The following RAB11A variants were observed in gnomAD, a reference collection of about 807,000 sequenced individuals.
The protein encoded by RAB11A is ras-related protein Rab-11A.
A neutral mutation model predicts 28.0 loss-of-function variants in RAB11A; 9 were observed. The ratio of observed to expected loss-of-function variants is 0.32; its 90% CI spans 0.19 to 0.56. The LOEUF (loss-of-function observed/expected upper bound fraction) is 0.56, where lower values mean the gene tolerates loss of function less well. RAB11A is among the 20% of genes least tolerant of loss of function. The probability of loss-of-function intolerance (pLI) is 0.91; values close to 1 mark genes in which losing one functional copy is unlikely to be tolerated. For missense variants in RAB11A, 108 were observed against 269.6 expected, an observed-to-expected ratio of 0.40 and a Z score of 4.20; for synonymous variants, 85 against 88.2, an observed-to-expected ratio of 0.96 and a Z score of 0.20.
rs1224127056 is a variant in RAB11A, at chr15:65,869,598, G to A, written c.13G>A (p.Asp5Asn). 6.2e-7 allele frequency: 1 copy of A among 1,611,524 alleles called. No individual in the cohort carries two copies. The highest frequency in any genetic ancestry group is 8.5e-7 in the Non-Finnish European group (1 of 1,179,932). The change falls in exon 1 of 5, where the codon GAC (aspartate) becomes AAC (asparagine). Residue 5 changes from aspartate to asparagine, a missense_variant. Coordinates refer to ENST00000261890, the MANE Select transcript of RAB11A (RefSeq NM_004663.5). Reference sequence around the variant, plus strand: ...CCTCGGCCGCGCAATGGGCACCCGCGACGACGAGTACGACTACCTCTTTAA... The same window carrying A: ...CCTCGGCCGCGCAATGGGCACCCGCAACGACGAGTACGACTACCTCTTTAA... Reference protein sequence around the residue: MGTRDDEYDYLFKVV... With the variant: MGTRNDEYDYLFKVV...
chr15:65,872,674 T>G (rs989205385), intron 1 of RAB11A, among the ~76,000 whole-genome samples: 1 of 152,076 alleles, frequency 6.6e-6, no homozygotes, highest in Non-Finnish European at 1.5e-5. Context: ...CCTCAGGTGA[T>G]CCGCCCGCCT....
At chr15:65,872,738 T>G (rs917511673) in intron 1 of RAB11A, among the ~76,000 whole-genome samples, 2 of 152,166 alleles carry the variant, frequency 1.3e-5, no homozygotes, top group African/African-American at 4.8e-5. Flanking sequence ...CTGGCCAGAT[T>G]TCTACTTTTT....
chr15:65,872,593 C>T (rs1489023657), intron 1 of RAB11A, among the ~76,000 whole-genome samples: 1 of 151,986 alleles, frequency 6.6e-6, no homozygotes, highest in Non-Finnish European at 1.5e-5. Context: ...GACCACCACA[C>T]CCGGCTAATT....
intron 1 of RAB11A, among the ~76,000 whole-genome samples, chr15:65,873,656 A>T (rs980240633): frequency 1.3e-5 from 2 of 151,746 alleles, no homozygotes; most frequent in African/African-American, 4.8e-5. Flanking sequence ...TGTGCTCAAG[A>T]AATCCTCCTG....
chr15:65,869,788 C>T (rs954114807), intron 1 of RAB11A, among the ~76,000 whole-genome samples, 163 bp downstream of exon 1: 3 of 152,182 alleles, frequency 2.0e-5, no homozygotes, highest in Admixed American at 6.5e-5. Context: ...TTCTCCCCCG[C>T]TCAGACAGGG....
At position 65,877,215 on chromosome 15, in the gene RAB11A, T is replaced by C. The variant is rs2078196220; in HGVS notation, c.41-117T>C. 4.8e-6 allele frequency: 4 copies of C among 828,476 alleles called. No homozygotes were observed. Among genetic ancestry groups the C allele is most frequent in the Non-Finnish European group, 7.5e-6 (4 of 531,330 alleles). 51.3% of individuals were successfully genotyped at this position (828,476 alleles called of 1,614,324 possible). A position where few individuals can be genotyped will look rare whatever the true frequency, so the allele number is the denominator to read the frequency against. On this transcript the variant is annotated intron_variant, in intron 1 of 4. Coordinates refer to ENST00000261890, the MANE Select transcript of RAB11A (RefSeq NM_004663.5). This position sits in a 1 kb window ranked among gnomAD's most constrained non-coding sequence, Gnocchi z 4.1. Reference sequence around the variant, plus strand: ...CCCCCATTCCTTTTTAAAAGTCATATACCTTATTTTTCTTGCTTTATTTAC... The same window carrying C: ...CCCCCATTCCTTTTTAAAAGTCATACACCTTATTTTTCTTGCTTTATTTAC...
intron 1 of RAB11A, among the ~76,000 whole-genome samples, chr15:65,875,630 C>G (rs568659917): frequency 2.6e-4 from 39 of 152,342 alleles, no homozygotes; most frequent in African/African-American, 8.9e-4. Flanking sequence ...ATTGGATTCA[C>G]TGCCTCCTGA....
chr15:65,872,885 A>T (rs1033782199), intron 1 of RAB11A, among the ~76,000 whole-genome samples: 1 of 152,216 alleles, frequency 6.6e-6, no homozygotes, highest in Non-Finnish European at 1.5e-5. Flanking sequence ...AAATGGCTTT[A>T]TTGTACAGAG....
At chr15:65,886,387 C>T (rs894014424) in intron 4 of RAB11A, among the ~76,000 whole-genome samples, 1 of 152,188 alleles carries the variant, frequency 6.6e-6, no homozygotes, top group African/African-American at 2.4e-5. Flanking sequence ...CTGGATTTAT[C>T]TCATTATTTC....
intron 4 of RAB11A, among the ~76,000 whole-genome samples, chr15:65,880,705 G>A (rs2078216775): frequency 1.3e-5 from 2 of 152,302 alleles, no homozygotes; most frequent in South Asian, 4.1e-4. Context: ...AGATTTGGAA[G>A]CCTGACTTGG....
At position 65,869,568 on chromosome 15, in the gene RAB11A, T is replaced by G; in HGVS notation, c.-18T>G. 6.2e-7 allele frequency: 1 copy of G among 1,610,056 alleles called. No homozygotes were observed. The highest frequency in any genetic ancestry group is 1.7e-4 in the Middle Eastern group (1 of 6,058). ...AGATACCACTGCTGCTCCCGCCCTT[T>G]CGCTCCTCGGCCGCGCAATGGGCAC... On this transcript the variant is annotated 5_prime_UTR_variant, in exon 1 of 5. Transcript: ENST00000261890.
chr15:65,884,133 A>G (rs2078239933), intron 4 of RAB11A, among the ~76,000 whole-genome samples: 1 of 151,982 alleles, frequency 6.6e-6, no homozygotes, highest in East Asian at 1.9e-4. Flanking sequence ...CAATAAAGAC[A>G]GGCTACTAAA....
At position 65,891,331 on chromosome 15, in the gene RAB11A, C is replaced by G. The variant is rs2078294208; in HGVS notation, c.*3491C>G. 1 of 152,142 alleles carries G rather than the reference C, an allele frequency of 6.6e-6. No individual in the cohort carries two copies. The allele number at this position is 152,142 out of a possible 1,614,324, so 9.4% of individuals were successfully genotyped here. On this transcript the variant is annotated 3_prime_UTR_variant, in exon 5 of 5. Transcript: ENST00000261890. ...CAATATGATTGAGGTTATCTATTCT[C>G]CTGAAAAGTGAATTGGAGAATAAAG...
At chr15:65,869,952 ATC>A (rs1324358784) in intron 1 of RAB11A, 1 of 247,808 alleles carries the variant, frequency 4.0e-6, no homozygotes, top group Non-Finnish European at 7.7e-6. Context: ...TCCTCCCACC[ATC>A]TCTCTTTTCG....
chr15:65,871,851 C>T (rs1035670532), intron 1 of RAB11A, among the ~76,000 whole-genome samples: 2 of 145,116 alleles, frequency 1.4e-5, no homozygotes, highest in East Asian at 2.0e-4. Context: ...TGAGACTGTT[C>T]GTAAAATTTT....
Position 65,891,673 on chromosome 15 carries a change from T to C in RAB11A, c.*3833T>C, listed in dbSNP as rs2078297758. ...CTCAAGTTTAAATTTAATAGAGAAG[T>C]CAAAATGAGGTATGCACTTTGTGGA... is the stretch of plus-strand genomic sequence containing the variant. On this transcript the variant is annotated 3_prime_UTR_variant, in exon 5 of 5. Transcript: ENST00000261890. The C allele has an allele frequency of 6.6e-6, 1 of 152,228 alleles. No homozygotes were observed. The highest frequency in any genetic ancestry group is 6.5e-5 in the Admixed American group (1 of 15,286). 9.4% of individuals were successfully genotyped at this position (152,228 alleles called of 1,614,324 possible). A position where few individuals can be genotyped will look rare whatever the true frequency, so the allele number is the denominator to read the frequency against.
chr15:65,887,095 T>C (rs1443517225), intron 4 of RAB11A, among the ~76,000 whole-genome samples: 2 of 152,310 alleles, frequency 1.3e-5, no homozygotes, highest in African/African-American at 2.4e-5. Context: ...GTTTGTTTTT[T>C]GGGGTAAAGG....
At chr15:65,885,170 G>C (rs951977625) in intron 4 of RAB11A, among the ~76,000 whole-genome samples, 2 of 118,678 alleles carry the variant, frequency 1.7e-5, no homozygotes, top group African/African-American at 6.5e-5. Context: ...GTGCTCTGTT[G>C]CCCAGGCTGG....
chr15:65,870,553 T>C (rs1451016561), intron 1 of RAB11A, among the ~76,000 whole-genome samples: 1 of 152,212 alleles, frequency 6.6e-6, no homozygotes, highest in Admixed American at 6.5e-5. Context: ...GTGGCTGTTA[T>C]CCTTGCCAGA....
Sources: gnomAD v4.1 joint callset for allele counts (sites outside exome capture counted in the v4.1 genomes callset) on GRCh38, gnomAD v4.1.1 for gene constraint, Gnocchi (gnomAD v3.1) non-coding constraint, MANE v1.5 for transcripts, NCBI Gene and HGNC (gene_info 2026-07-23, HGNC 2026-07-21) for gene names.